CADPS2: variants seen among roughly 807,000 people sequenced by gnomAD.
CADPS2 encodes calcium-dependent secretion activator 2.
Under a neutral mutation model 172.5 loss-of-function variants are expected in CADPS2, and 93 were observed. The observed-to-expected ratio is 0.54, with a 90% CI of 0.46 to 0.64. The LOEUF (loss-of-function observed/expected upper bound fraction) is 0.64. CADPS2 is among the 30% of genes least tolerant of loss of function. The pLI is 0.00. For synonymous variants in CADPS2, 546 were observed against 555.2 expected, an observed-to-expected ratio of 0.98 and a Z score of 0.23; for missense variants, 1,420 against 1,565.9, an observed-to-expected ratio of 0.91 and a Z score of 1.57.
chr7:122,535,170 G>A (rs1039469386), intron 8 of CADPS2, among the ~76,000 whole-genome samples: 1 of 152,058 alleles, frequency 6.6e-6, no homozygotes, highest in Non-Finnish European at 1.5e-5. Flanking sequence ...ATCACTTAAA[G>A]AGAAAAGTAT....
In CADPS2 at chr7:122,663,597, C is replaced by CA. The variant is rs760541025; in HGVS notation, c.454-29dup. 3.3e-6 allele frequency: 5 copies of CA among 1,508,950 alleles called. No individual in the cohort carries two copies. The African/African-American group carries it at 5.6e-5, about 17-fold the overall frequency. The allele number at this position is 1,508,950 out of a possible 1,614,324, so 93.5% of individuals were successfully genotyped here. A position where few individuals can be genotyped will look rare whatever the true frequency, so the allele number is the denominator to read the frequency against. ...GAAAACAAAACAAAACAAAACAAAA[C>CA]AAAAAACAATTACAATTAGGTGTAG... is the stretch of plus-strand genomic sequence containing the variant. On this transcript the variant is annotated intron_variant, in intron 2 of 29. Coordinates refer to ENST00000449022, the MANE Select transcript of CADPS2 (RefSeq NM_017954.11).
intron 3 of CADPS2, among the ~76,000 whole-genome samples, chr7:122,650,833 T>C (rs2134962968): frequency 6.6e-6 from 1 of 152,294 alleles, no homozygotes; most frequent in Admixed American, 6.5e-5. Context: ...TTCATTTTAG[T>C]AAAATTAAAT....
chr7:122,773,126 G>A (rs2093755363), intron 1 of CADPS2, among the ~76,000 whole-genome samples: 1 of 151,946 alleles, frequency 6.6e-6, no homozygotes, highest in African/African-American at 2.4e-5. Flanking sequence ...TTCTAGTAAT[G>A]AAAAGAAAGC....
chr7:122,730,111 GC>G (rs2091505081), intron 2 of CADPS2, among the ~76,000 whole-genome samples: 1 of 151,712 alleles, frequency 6.6e-6, no homozygotes, highest in South Asian at 2.1e-4. Context: ...AGAGGGTTAA[GC>G]ATCTTCTTAG....
intron 14 of CADPS2, among the ~76,000 whole-genome samples, chr7:122,467,545 T>C (rs527884972): frequency 1.3e-5 from 2 of 152,304 alleles, no homozygotes; most frequent in South Asian, 4.1e-4. Context: ...GATTATTTTA[T>C]ATATAAAACT....
At chr7:122,605,822 T>C (rs1011996332) in intron 6 of CADPS2, among the ~76,000 whole-genome samples, 1 of 152,128 alleles carries the variant, frequency 6.6e-6, no homozygotes, top group African/African-American at 2.4e-5. Context: ...AAATGGATAG[T>C]GCTATTTCTT....
intron 1 of CADPS2, among the ~76,000 whole-genome samples, chr7:122,853,469 G>A (rs375053945): frequency 6.6e-6 from 1 of 152,278 alleles, no homozygotes; most frequent in South Asian, 2.1e-4. Flanking sequence ...TGTTGCTTTA[G>A]CCCAAAGGGT....
intron 1 of CADPS2, among the ~76,000 whole-genome samples, chr7:122,743,102 T>A (rs2092570970): frequency 6.6e-6 from 1 of 152,196 alleles, no homozygotes; most frequent in Non-Finnish European, 1.5e-5. Context: ...ATCAGGAATT[T>A]ATAAGGCACA....
At chr7:122,379,302 C>T in intron 25 of CADPS2, 66 bp downstream of exon 25, 1 of 1,007,232 alleles carries the variant, frequency 9.9e-7, no homozygotes, top group Non-Finnish European at 1.5e-6. Context: ...TATTTAAAAA[C>T]ATTAAAAAAT....
intron 1 of CADPS2, among the ~76,000 whole-genome samples, chr7:122,831,359 C>A (rs367591903): frequency 4.6e-5 from 7 of 152,164 alleles, no homozygotes; most frequent in Admixed American, 3.3e-4. Context: ...AACCCTATGT[C>A]ATTTGTACCA....
rs71531909 is a variant in CADPS2, at chr7:122,649,898, A to ATTTTTTTTTTTTTTTTTTTTT, written c.786+13318_786+13338dup. 7.3e-4 allele frequency among the ~76,000 whole-genome samples: 38 copies of ATTTTTTTTTTTTTTTTTTTTT among 52,018 alleles called. 10 individuals carry two copies. The highest frequency in any genetic ancestry group is 1.6e-3 in the East Asian group (2 of 1,272). 34.1% of individuals were successfully genotyped at this position (52,018 alleles called of 152,430 possible). On this transcript the variant is annotated intron_variant, in intron 3 of 29. Coordinates refer to ENST00000449022, the MANE Select transcript of CADPS2 (RefSeq NM_017954.11). ...TGACATTTTTCTTAAGTATTCAATG[A>ATTTTTTTTTTTTTTTTTTTTT]TTTTTTTTTTTTTTTTTTTTTTTTT...
chr7:122,578,983 T>TG (rs2068433302), intron 7 of CADPS2, among the ~76,000 whole-genome samples: 2 of 152,232 alleles, frequency 1.3e-5, no homozygotes, highest in African/African-American at 4.8e-5. Context: ...ACTGCCTCTA[T>TG]GGAAGGCTTT....
intron 2 of CADPS2, among the ~76,000 whole-genome samples, chr7:122,720,402 ATAACT>A (rs1281890427): frequency 2.0e-5 from 3 of 151,500 alleles, no homozygotes; most frequent in African/African-American, 4.8e-5. Flanking sequence ...AGCATAAAAG[ATAACT>A]TAATAGAGGT....
At chr7:122,730,646 T>C (rs1043621243) in intron 2 of CADPS2, among the ~76,000 whole-genome samples, 2 of 151,766 alleles carry the variant, frequency 1.3e-5, no homozygotes, top group Non-Finnish European at 3.0e-5. Context: ...TAAATCAGAT[T>C]CCAGTTTTAT....
intron 1 of CADPS2, among the ~76,000 whole-genome samples, chr7:122,838,468 A>G (rs948771124): frequency 3.3e-5 from 5 of 152,210 alleles, no homozygotes; most frequent in Non-Finnish European, 7.3e-5. Context: ...GTACTCAATT[A>G]GGAAAAGGGA....
chr7:122,886,148 G>T lies in CADPS2; in HGVS notation c.190C>A (p.Leu64Ile). The change falls in exon 1 of 30, where the codon CTC becomes ATC. Residue 64 changes from leucine (L) to isoleucine (I), a missense_variant. Physicochemically the swap from Leu to Ile is conservative, Grantham distance 5 (BLOSUM62 2). Coordinates refer to ENST00000449022, the MANE Select transcript of CADPS2 (RefSeq NM_017954.11). ...TGGGGCTCGTCTCGCCCCTCGCTGAGCACAGAGGGGCTCGGGCTCACAGAT... is the reference window on the plus strand; with the variant it reads ...TGGGGCTCGTCTCGCCCCTCGCTGATCACAGAGGGGCTCGGGCTCACAGAT... ...ARSVSPSPSV[L>I]SEGRDEPQRQ... 1 of 1,544,398 alleles carries T rather than the reference G, an allele frequency of 6.5e-7. No individual in the cohort carries two copies. Among genetic ancestry groups the T allele is most frequent in the Non-Finnish European group, 8.7e-7 (1 of 1,145,176 alleles).
chr7:122,824,786 C>T (rs1804409751), intron 1 of CADPS2, among the ~76,000 whole-genome samples: 1 of 152,114 alleles, frequency 6.6e-6, no homozygotes, highest in Non-Finnish European at 1.5e-5. Context: ...CTCCTAAGTG[C>T]TTGCATGATT....
rs1426471651 is a variant in CADPS2, at chr7:122,471,572, A to G, written c.1999-10T>C. 9 of 1,551,496 alleles carry G rather than the reference A, an allele frequency of 5.8e-6. No homozygotes were observed. The Admixed American group carries it at 6.2e-5, about 11-fold the overall frequency. ...CAGGGCTAAACCATCCCTGCAAAAT[A>G]AAAAAAGAATAGATATACATGTTTT... On this transcript the variant is annotated splice_polypyrimidine_tract_variant and intron_variant, in intron 13 of 29. Coordinates refer to ENST00000449022, the MANE Select transcript of CADPS2 (RefSeq NM_017954.11).
At chr7:122,728,946 T>C (rs998041480) in intron 2 of CADPS2, among the ~76,000 whole-genome samples, 3 of 151,838 alleles carry the variant, frequency 2.0e-5, no homozygotes, top group African/African-American at 7.2e-5. Context: ...ATAGGCACCC[T>C]ACTCTGCTAT....
Sources: gnomAD v4.1 joint callset for allele counts (sites outside exome capture counted in the v4.1 genomes callset) on GRCh38, gnomAD v4.1.1 for gene constraint, MANE v1.5 for transcripts, NCBI Gene and HGNC (gene_info 2026-07-23, HGNC 2026-07-21) for gene names.